The following MME variants were observed in gnomAD, a reference collection of about 807,000 sequenced individuals.
MME encodes the protein neprilysin.
A neutral mutation model predicts 113.2 loss-of-function variants in MME; 98 were observed. The observed-to-expected ratio is 0.87, with a 90% CI of 0.74 to 1.02. The LOEUF (loss-of-function observed/expected upper bound fraction) is 1.02. Ranked by LOEUF, MME falls within the 50% of genes least tolerant of loss-of-function variation. The pLI, the probability that MME is intolerant of heterozygous loss-of-function variation, is 0.00. For synonymous variants in MME, 292 were observed against 300.6 expected (o/e 0.97, Z 0.30); for missense variants, 836 against 896.0 (o/e 0.93, Z 0.86).
At chr3:155,166,674 T>C (rs1206126064) in intron 17 of MME, among the ~76,000 whole-genome samples, 1 of 152,098 alleles carries the variant, frequency 6.6e-6, no homozygotes, top group Non-Finnish European at 1.5e-5. Context: ...ATGCCTGCAT[T>C]GGTTTCTATT....
intron 16 of MME, among the ~76,000 whole-genome samples, chr3:155,150,473 A>T (rs1444520762): frequency 6.6e-6 from 1 of 152,182 alleles, no homozygotes; most frequent in African/African-American, 2.4e-5. Flanking sequence ...GCTTCTGATG[A>T]TCACAAATGC....
At chr3:155,142,551 C>A (rs1324206482) in intron 12 of MME, among the ~76,000 whole-genome samples, 1 of 152,070 alleles carries the variant, frequency 6.6e-6, no homozygotes, top group African/African-American at 2.4e-5. Flanking sequence ...ATTGCATTGT[C>A]CTGTAAGGAG....
chr3:155,162,314 T>A (rs895139794), intron 17 of MME, among the ~76,000 whole-genome samples: 1 of 152,192 alleles, frequency 6.6e-6, no homozygotes, highest in African/African-American at 2.4e-5. Context: ...ACTTCAGGGA[T>A]TCCCCGATCA....
At chr3:155,082,636 A>G (rs1489034593) in intron 1 of MME, among the ~76,000 whole-genome samples, 1 of 152,148 alleles carries the variant, frequency 6.6e-6, no homozygotes, top group Non-Finnish European at 1.5e-5. Flanking sequence ...TTTAGCAGAC[A>G]CGGTTTTCAT....
intron 16 of MME, among the ~76,000 whole-genome samples, chr3:155,151,375 A>G (rs1156433914): frequency 6.6e-6 from 1 of 151,884 alleles, no homozygotes; most frequent in East Asian, 2.0e-4. Flanking sequence ...TCAAGACAGC[A>G]ACTAATGTAA....
chr3:155,153,417 A>G (rs1722089436), intron 16 of MME, among the ~76,000 whole-genome samples: 1 of 152,212 alleles, frequency 6.6e-6, no homozygotes, highest in South Asian at 2.1e-4. Context: ...TAAACATGTC[A>G]TTATAACATA....
chr3:155,138,338 C>A, intron 9 of MME, 102 bp downstream of exon 9: 1 of 1,240,478 alleles, frequency 8.1e-7, no homozygotes, highest in Non-Finnish European at 1.2e-6. Flanking sequence ...GCACTTTAAC[C>A]AAGTAGTAAA....
At chr3:155,150,024 A>T (rs963499456) in intron 16 of MME, among the ~76,000 whole-genome samples, 2 of 152,224 alleles carry the variant, frequency 1.3e-5, no homozygotes, top group Admixed American at 6.5e-5. Context: ...GTTATGCAAA[A>T]TAATTATCTG....
At chr3:155,127,312 C>A (rs568388166) in intron 8 of MME, among the ~76,000 whole-genome samples, 2 of 152,210 alleles carry the variant, frequency 1.3e-5, no homozygotes, top group African/African-American at 2.4e-5. Context: ...TTTGCTCTAA[C>A]ATCAACCTCC....
intron 1 of MME, among the ~76,000 whole-genome samples, chr3:155,057,564 G>T (rs141704237): frequency 6.6e-6 from 1 of 151,932 alleles, no homozygotes; most frequent in Non-Finnish European, 1.5e-5. Context: ...TACTCAGCTT[G>T]TCCCACTGTA....
chr3:155,154,188 T>G (rs897297680), intron 16 of MME, among the ~76,000 whole-genome samples: 1 of 152,090 alleles, frequency 6.6e-6, no homozygotes, highest in Non-Finnish European at 1.5e-5. Flanking sequence ...TCAAGCATGG[T>G]GTTTTTTTTC....
intron 1 of MME, among the ~76,000 whole-genome samples, chr3:155,034,227 G>A (rs1309064409): frequency 1.3e-5 from 2 of 152,122 alleles, no homozygotes; most frequent in Non-Finnish European, 2.9e-5. Context: ...TCACAAAGAG[G>A]ATTTGGGTGG....
At chr3:155,042,940 G>GTATATATATATATATATGTATA (rs1713406772) in intron 1 of MME, among the ~76,000 whole-genome samples, 1 of 53,574 alleles carries the variant, frequency 1.9e-5, no homozygotes, top group African/African-American at 7.6e-5. Context: ...ATATATATAT[G>GTATATATATATATATATGTATA]TATATATATA....
intron 8 of MME, among the ~76,000 whole-genome samples, chr3:155,127,225 G>A (rs1241801023): frequency 6.6e-6 from 1 of 152,128 alleles, no homozygotes; most frequent in East Asian, 1.9e-4. Flanking sequence ...ATGCCAGTCT[G>A]GAAGTAGGCA....
intron 8 of MME, among the ~76,000 whole-genome samples, chr3:155,133,054 A>ATATATATATATATATATATAT (rs1376707409): frequency 1.2e-5 from 1 of 86,164 alleles, no homozygotes; most frequent in African/African-American, 4.5e-5. Context: ...AAAAAAAAAA[A>ATATATATATATATATATATAT]AAAAAAAAAT....
At chr3:155,025,372 T>C (rs549859457) in intron 1 of MME, among the ~76,000 whole-genome samples, 1 of 151,962 alleles carries the variant, frequency 6.6e-6, no homozygotes, top group Non-Finnish European at 1.5e-5. Context: ...AGACAAAGTA[T>C]GGATCACTTT....
chr3:155,172,274 G>A, intron 21 of MME, 62 bp downstream of exon 21: 1 of 1,158,874 alleles, frequency 8.6e-7, no homozygotes. Flanking sequence ...TTCACAGTAA[G>A]TTAGATGTCA....
intron 3 of MME, among the ~76,000 whole-genome samples, chr3:155,113,150 C>T (rs532659104): frequency 6.6e-6 from 1 of 152,234 alleles, no homozygotes; most frequent in Admixed American, 6.5e-5. Context: ...ACTAAGAAAA[C>T]ACAAGGAGTG....
At chr3:155,066,204 T>C (rs1425224774) in intron 1 of MME, among the ~76,000 whole-genome samples, 4 of 152,236 alleles carry the variant, frequency 2.6e-5, no homozygotes, top group African/African-American at 9.6e-5. Context: ...AGTTTAAGTA[T>C]GTAACATTAT....
Sources: allele counts gnomAD v4.1 joint callset (sites outside exome capture counted in the v4.1 genomes callset), GRCh38; gene constraint gnomAD v4.1.1; transcripts MANE v1.5; gene names NCBI Gene and HGNC (gene_info 2026-07-23, HGNC 2026-07-21).